The following NELL1 variants were observed in gnomAD, a reference collection of about 807,000 sequenced individuals.
NELL1 encodes protein kinase C-binding protein NELL1.
Under a neutral mutation model 107.4 loss-of-function variants are expected in NELL1, and 76 were observed. The ratio of observed to expected loss-of-function variants is 0.71; its 90% CI spans 0.59 to 0.86. NELL1 has a LOEUF of 0.86. Ranked by LOEUF, NELL1 falls within the 40% of genes least tolerant of loss-of-function variation. NELL1 has a pLI of 0.00. For synonymous variants in NELL1, 353 were observed against 341.2 expected, an observed-to-expected ratio of 1.03 and a Z score of -0.38; for missense variants, 1,024 against 1,005.5, an observed-to-expected ratio of 1.02 and a Z score of -0.25.
chr11:21,228,523 C>T lies in NELL1; in HGVS notation c.1427-809C>T, dbSNP rs938994772. ...CCTACTCTCAGCACAATCCTGTGCTCGCCAGCCTTCCCTGTGACCAGTGGT... is the reference window on the plus strand; with the variant it reads ...CCTACTCTCAGCACAATCCTGTGCTTGCCAGCCTTCCCTGTGACCAGTGGT... On this transcript the variant is annotated intron_variant, in intron 13 of 19. Coordinates refer to ENST00000357134, the MANE Select transcript of NELL1 (RefSeq NM_006157.5). Among the ~76,000 whole-genome samples, 17 of 152,240 alleles carry T rather than the reference C, an allele frequency of 1.1e-4. No homozygotes were observed. In the South Asian group the frequency reaches 1.7e-3, roughly 15 times the overall value.
At chr11:21,542,020 C>A (rs1400039948) in intron 16 of NELL1, among the ~76,000 whole-genome samples, 1 of 152,044 alleles carries the variant, frequency 6.6e-6, no homozygotes, top group Non-Finnish European at 1.5e-5. Flanking sequence ...ATTAAGTGAG[C>A]AAACAAGGGA....
chr11:20,830,479 G>A (rs1206778316), intron 3 of NELL1, among the ~76,000 whole-genome samples: 2 of 151,890 alleles, frequency 1.3e-5, no homozygotes, highest in East Asian at 3.9e-4. Context: ...TGGGATTACA[G>A]GTGTGTGCCA....
chr11:21,480,993 C>T (rs968098672), intron 15 of NELL1, among the ~76,000 whole-genome samples: 1 of 152,112 alleles, frequency 6.6e-6, no homozygotes, highest in African/African-American at 2.4e-5. Context: ...AACCGGATTA[C>T]TAGTCACTTT....
chr11:20,755,541 T>G (rs1428689366), intron 2 of NELL1, among the ~76,000 whole-genome samples: 1 of 13,468 alleles, frequency 7.4e-5, no homozygotes, highest in African/African-American at 1.2e-4. Context: ...TGGGTTTTTG[T>G]TTTTTTTTGT....
intron 2 of NELL1, among the ~76,000 whole-genome samples, chr11:20,699,071 G>T (rs139961786): frequency 0.029 from 4,393 of 152,028 alleles, 85 homozygotes; most frequent in Middle Eastern, 0.075. Flanking sequence ...ACAAAAATTA[G>T]CTGGGCATGG....
At chr11:21,213,620 C>T (rs777202169) in intron 13 of NELL1, among the ~76,000 whole-genome samples, 6 of 152,050 alleles carry the variant, frequency 3.9e-5, no homozygotes, top group African/African-American at 4.8e-5. Flanking sequence ...TTCAAGACAG[C>T]GTAGTATTGG....
intron 4 of NELL1, among the ~76,000 whole-genome samples, chr11:20,849,074 G>T (rs906704798): frequency 2.0e-5 from 3 of 151,982 alleles, no homozygotes; most frequent in African/African-American, 7.3e-5. Context: ...AGAGCTCATT[G>T]CCCCCTTCAA....
intron 2 of NELL1, among the ~76,000 whole-genome samples, chr11:20,756,694 C>T (rs1246649489): frequency 6.6e-6 from 1 of 151,396 alleles, no homozygotes; most frequent in Non-Finnish European, 1.5e-5. Flanking sequence ...CTATCTTATG[C>T]TTTGTGCATT....
chr11:21,295,973 A>G (rs1256854301), intron 14 of NELL1, among the ~76,000 whole-genome samples: 1 of 151,620 alleles, frequency 6.6e-6, no homozygotes. Flanking sequence ...AGACTCTCAT[A>G]TGGGCTCTGA....
chr11:20,835,152 C>G (rs1369591763), intron 3 of NELL1, among the ~76,000 whole-genome samples: 2 of 152,208 alleles, frequency 1.3e-5, no homozygotes, highest in African/African-American at 4.8e-5. Context: ...TTAGGTCATT[C>G]TTCTACATCT....
intron 14 of NELL1, among the ~76,000 whole-genome samples, chr11:21,343,673 TGTAACACAAA>T (rs1850624420): frequency 6.6e-6 from 1 of 152,206 alleles, no homozygotes; most frequent in African/African-American, 2.4e-5. Flanking sequence ...GTTTTGCCTT[TGTAACACAAA>T]AACAGCCAAA....
intron 16 of NELL1, among the ~76,000 whole-genome samples, chr11:21,538,058 T>A (rs1856183214): frequency 6.6e-6 from 1 of 152,098 alleles, no homozygotes; most frequent in South Asian, 2.1e-4. Flanking sequence ...AAACCCTAAA[T>A]AATATCAACC....
At chr11:20,821,893 C>T (rs527239048) in intron 3 of NELL1, among the ~76,000 whole-genome samples, 86 of 152,306 alleles carry the variant, frequency 5.6e-4, no homozygotes, top group Admixed American at 9.8e-4. Flanking sequence ...CATCAGAAAG[C>T]TCTTATTTAA....
intron 15 of NELL1, among the ~76,000 whole-genome samples, chr11:21,493,860 A>G (rs1018071141): frequency 6.6e-6 from 1 of 152,010 alleles, no homozygotes; most frequent in Non-Finnish European, 1.5e-5. Context: ...ATTCACTCAT[A>G]CCCTATAAAT....
intron 15 of NELL1, among the ~76,000 whole-genome samples, chr11:21,513,250 G>A (rs1161694625): frequency 6.6e-6 from 1 of 152,126 alleles, no homozygotes; most frequent in Non-Finnish European, 1.5e-5. Flanking sequence ...TAATGCCTGT[G>A]AAATAATACC....
chr11:21,151,460 C>T (rs1424579555), intron 13 of NELL1, among the ~76,000 whole-genome samples: 2 of 151,978 alleles, frequency 1.3e-5, no homozygotes, highest in African/African-American at 2.4e-5. Flanking sequence ...GTGCATGCTG[C>T]GTGTTGATGG....
rs561536461 is a variant in NELL1, at chr11:20,730,930, T to C, written c.185-52750T>C. Among the ~76,000 whole-genome samples the C allele has an allele frequency of 3.9e-5, 6 of 152,346 alleles. No individual in the cohort carries two copies. In the East Asian group the frequency reaches 1.2e-3, roughly 29 times the overall value. ...TTTTCAAAGCAGCCAGATCTGGATA[T>C]GTCTTGAATAATTTTGACTGAGATT... On this transcript the variant is annotated intron_variant, in intron 2 of 19. Coordinates refer to ENST00000357134, the MANE Select transcript of NELL1 (RefSeq NM_006157.5).
chr11:21,203,988 C>G (rs896303694), intron 13 of NELL1, among the ~76,000 whole-genome samples: 2 of 152,218 alleles, frequency 1.3e-5, no homozygotes, highest in African/African-American at 2.4e-5. Flanking sequence ...CACAGTTAGT[C>G]TGATGGGCTT....
intron 15 of NELL1, among the ~76,000 whole-genome samples, chr11:21,467,671 A>G (rs1854066043): frequency 6.6e-6 from 1 of 152,018 alleles, no homozygotes; most frequent in African/African-American, 2.4e-5. Context: ...TTTAAGGTTT[A>G]TGATGATTTT....
Sources: gnomAD v4.1 joint callset for allele counts (sites outside exome capture counted in the v4.1 genomes callset) on GRCh38, gnomAD v4.1.1 for gene constraint, MANE v1.5 for transcripts, NCBI Gene and HGNC (gene_info 2026-07-23, HGNC 2026-07-21) for gene names.